Variants in GNAT2 observed in about 807,000 individuals in gnomAD.
GNAT2 encodes G protein subunit alpha transducin 2.
In GNAT2, 32 loss-of-function variants were observed where a neutral mutation model predicts 40.9. That is an observed-to-expected ratio of 0.78 (90% CI 0.59 to 1.05). The LOEUF (loss-of-function observed/expected upper bound fraction) is 1.05, where lower values mean the gene tolerates loss of function less well. Among genes scored for constraint, GNAT2 ranks in the 50% least tolerant of loss-of-function variants. The probability of loss-of-function intolerance (pLI) is 0.00; values close to 1 mark genes in which losing one functional copy is unlikely to be tolerated. For synonymous variants in GNAT2, 141 were observed against 157.2 expected (o/e 0.90, Z 0.77); for missense variants, 355 against 431.5 (o/e 0.82, Z 1.57).
At chr1:109,609,105 C>T (rs1649710921) in intron 4 of GNAT2, 3 of 408,528 alleles carry the variant, frequency 7.3e-6, no homozygotes, top group South Asian at 4.4e-5. Flanking sequence ...TCCTCTGCTG[C>T]AGAGAGACTG....
intron 4 of GNAT2, chr1:109,609,469 CA>C: frequency 5.5e-6 from 1 of 180,328 alleles, no homozygotes; most frequent in Non-Finnish European, 1.2e-5. Flanking sequence ...CCCTTCTCTA[CA>C]AAAAAATTTT....
chr1:109,612,522 G>C (rs951874648), intron 2 of GNAT2: 2 of 544,438 alleles, frequency 3.7e-6, no homozygotes, highest in African/African-American at 3.8e-5. Context: ...CCTCGCTCAA[G>C]AGTAGAAAAA....
At chr1:109,604,290 T>C (rs767466573) in intron 7 of GNAT2, 186 bp from the exon 8 acceptor site, 8 of 613,626 alleles carry the variant, frequency 1.3e-5, no homozygotes, top group Non-Finnish European at 2.3e-5. Context: ...CCTATCTTTC[T>C]AATAGCTGTG....
intron 1 of GNAT2, chr1:109,615,481 A>G (rs1185452269): frequency 6.6e-6 from 1 of 152,280 alleles, no homozygotes; most frequent in African/African-American, 2.4e-5. Flanking sequence ...AAAAAAATAC[A>G]AAAATTAGCC....
At position 109,618,509 on chromosome 1, in the gene GNAT2, A is replaced by G. The variant is rs1650021528; in HGVS notation, c.-54+974T>C. 3.3e-5 allele frequency among the ~76,000 whole-genome samples: 5 copies of G among 152,386 alleles called. No individual in the cohort carries two copies. The South Asian group carries it at 1.0e-3, about 32-fold the overall frequency. On this transcript the variant is annotated intron_variant, in intron 1 of 8. Coordinates refer to ENST00000679935, the MANE Select transcript of GNAT2 (RefSeq NM_001377295.2). ...AGAAAGTTGATTACTGGGTCAAATA[A>G]TAAGAACCTTTTTGAAAATTTTGAT...
chr1:109,603,293 G>T lies in GNAT2; in HGVS notation c.*61C>A. On this transcript the variant is annotated 3_prime_UTR_variant, in exon 9 of 9. Coordinates refer to ENST00000679935, the MANE Select transcript of GNAT2 (RefSeq NM_001377295.2). ...CATGGTATATTGACTATAATTTTCT[G>T]TTTTTAATTACCCAGATTCCAAGCC... 2 of 919,346 alleles carry T rather than the reference G, an allele frequency of 2.2e-6. No individual in the cohort carries two copies. The highest frequency in any genetic ancestry group is 3.6e-6 in the Non-Finnish European group (2 of 553,416). 56.9% of individuals were successfully genotyped at this position (919,346 alleles called of 1,614,324 possible).
At chr1:109,604,947 T>C (rs769340114) in intron 7 of GNAT2, 5 of 152,228 alleles carry the variant, frequency 3.3e-5, no homozygotes, top group Non-Finnish European at 5.9e-5. Context: ...GACTTTAGGG[T>C]TAAAGATGGA....
intron 2 of GNAT2, 91 bp downstream of exon 2, chr1:109,612,662 C>T: frequency 2.4e-6 from 2 of 823,050 alleles, no homozygotes; most frequent in Non-Finnish European, 4.3e-6. Context: ...TGCCACCCTT[C>T]CTTCCCATGG....
rs777393742 is a variant in GNAT2 at position 109,603,410 on chromosome 1, C to T, written c.1009G>A (p.Asp337Asn). The T allele has an allele frequency of 6.2e-7, 1 of 1,606,476 alleles. No individual in the cohort carries two copies. The highest frequency in any genetic ancestry group is 1.3e-5 in the African/African-American group (1 of 74,894). The change falls in exon 9 of 9, where the codon GAT becomes AAT. Residue 337 changes from aspartate (D) to asparagine (N), a missense_variant. Physicochemically the swap from Asp to Asn is conservative, Grantham distance 23. Transcript: ENST00000679935. ...TDTQNVKFVF[D>N]AVTDIIIKEN... ...TTGATGATAATATCTGTAACTGCAT[C>T]AAACACAAATTTGACATTCTGTGTA... is the stretch of plus-strand genomic sequence containing the variant.
intron 8 of GNAT2, 176 bp from the exon 9 acceptor site, chr1:109,603,720 G>T (rs1027561313): frequency 3.0e-6 from 2 of 670,038 alleles, no homozygotes; most frequent in African/African-American, 3.6e-5. Flanking sequence ...TAGTTGAAAA[G>T]AAATTGAGGA....
rs565113053 is a variant in GNAT2, at chr1:109,607,723, G to C, written c.461+908C>G. The C allele has an allele frequency of 3.9e-5, 6 of 152,310 alleles. No homozygotes were observed. In the East Asian group the frequency reaches 1.2e-3, roughly 29 times the overall value. 9.4% of individuals were successfully genotyped at this position (152,310 alleles called of 1,614,324 possible). A position where few individuals can be genotyped will look rare whatever the true frequency, so the allele number is the denominator to read the frequency against. ...GCAGCCCAATGCAAATGCAGTCTCT[G>C]CTATTTATCTACATGACCTTGGGCA... On this transcript the variant is annotated intron_variant, in intron 5 of 8. Transcript: ENST00000679935.
At chr1:109,604,167 TG>T (rs1377249944) in intron 7 of GNAT2, 63 bp from the exon 8 acceptor site, 5 of 1,296,330 alleles carry the variant, frequency 3.9e-6, no homozygotes, top group Middle Eastern at 4.1e-4. Flanking sequence ...ACCTACTTCC[TG>T]CTCTTGTTCC....
chr1:109,610,839 A>G, intron 2 of GNAT2: 1 of 413,978 alleles, frequency 2.4e-6, no homozygotes, highest in Non-Finnish European at 4.5e-6. Context: ...ACATTTCCAA[A>G]TGACCACTGG....
At chr1:109,608,347 T>C in intron 5 of GNAT2, 1 of 478,906 alleles carries the variant, frequency 2.1e-6, no homozygotes, top group South Asian at 2.0e-5. Flanking sequence ...TGAGGGCTAC[T>C]AGGCAGAACA....
intron 1 of GNAT2, chr1:109,614,026 A>G (rs533379776): frequency 6.6e-6 from 1 of 152,320 alleles, no homozygotes; most frequent in East Asian, 1.9e-4. Context: ...CCTCTATGCC[A>G]ATTATTTCAG....
rs1373408818 is a variant in GNAT2 at position 109,603,946 on chromosome 1, C to G, written c.874+5G>C. 1 of 1,594,284 alleles carries G rather than the reference C, an allele frequency of 6.3e-7. No individual in the cohort carries two copies. Among genetic ancestry groups the G allele is most frequent in the South Asian group, 1.1e-5 (1 of 90,608 alleles). On this transcript the variant is annotated splice_donor_5th_base_variant and intron_variant, in intron 8 of 8. Transcript: ENST00000679935. ...TTATTATTATTTCCAGCCCCTGACA[C>G]TTACCATCATACTCTGGAAAACAAA... is the stretch of plus-strand genomic sequence containing the variant.
In GNAT2 at chr1:109,605,665, G is replaced by A. The variant is rs1570562051; in HGVS notation, c.720+305C>T. The A allele has an allele frequency of 1.3e-5, 5 of 384,578 alleles. No homozygotes were observed. The East Asian group carries it at 2.5e-4, about 20-fold the overall frequency. 23.8% of individuals were successfully genotyped at this position (384,578 alleles called of 1,614,324 possible). A position where few individuals can be genotyped will look rare whatever the true frequency, so the allele number is the denominator to read the frequency against. On this transcript the variant is annotated intron_variant, in intron 7 of 8. Transcript: ENST00000679935. The stretch of plus-strand genomic sequence containing the variant: ...AAGTGTAACTCCTTTGCTTTGCCTA[G>A]TTGATGGTCCCTTATCTCTTTGCAC...
At chr1:109,610,012 C>T in intron 4 of GNAT2, 28 bp downstream of exon 4, 1 of 1,611,574 alleles carries the variant, frequency 6.2e-7, no homozygotes, top group Non-Finnish European at 8.5e-7. Context: ...CTGCTTCCAC[C>T]CTTAACCACA....
At chr1:109,614,187 G>A (rs1488590111) in intron 1 of GNAT2, 1 of 152,212 alleles carries the variant, frequency 6.6e-6, no homozygotes, top group East Asian at 1.9e-4. Context: ...CAGAACTTCT[G>A]ATTCAGAATC....
Sources: gnomAD v4.1 joint callset for allele counts (sites outside exome capture counted in the v4.1 genomes callset) on GRCh38, gnomAD v4.1.1 for gene constraint, MANE v1.5 for transcripts, NCBI Gene and HGNC (gene_info 2026-07-23, HGNC 2026-07-21) for gene names.